Variants in RBPJL observed in about 807,000 individuals in gnomAD.
The protein encoded by RBPJL is recombining binding protein suppressor of hairless-like protein.
Under a neutral mutation model 57.6 loss-of-function variants are expected in RBPJL, and 50 were observed. The ratio of observed to expected loss-of-function variants is 0.87; its 90% CI spans 0.69 to 1.10. RBPJL has a LOEUF of 1.10. RBPJL is among the 50% of genes least tolerant of loss of function. The pLI, the probability that RBPJL is intolerant of heterozygous loss-of-function variation, is 0.00. For missense variants in RBPJL, 684 were observed against 693.7 expected, an observed-to-expected ratio of 0.99 and a Z score of 0.16; for synonymous variants, 303 against 294.4, an observed-to-expected ratio of 1.03 and a Z score of -0.30.
chr20:45,315,413 A>G (rs1987401555), intron 9 of RBPJL, among the ~76,000 whole-genome samples: 4 of 152,052 alleles, frequency 2.6e-5, no homozygotes, highest in Admixed American at 2.6e-4. Flanking sequence ...AAAAAAAAAA[A>G]ATTCTGGAAT....
intron 6 of RBPJL, 49 bp from the exon 7 acceptor site, chr20:45,313,419 C>A: frequency 6.6e-7 from 1 of 1,521,508 alleles, no homozygotes; most frequent in South Asian, 1.2e-5. Context: ...TCCCCTCACC[C>A]TAACCCTGAC....
At chr20:45,308,038 C>G (rs1014258600) in intron 1 of RBPJL, 105 bp from the exon 2 acceptor site, 1 of 717,464 alleles carries the variant, frequency 1.4e-6, no homozygotes, top group Non-Finnish European at 2.4e-6. Flanking sequence ...TGGAAAGGAC[C>G]CTGCAGAAGT....
Position 45,309,617 on chromosome 20 carries a change from T to C in RBPJL, c.182T>C (p.Leu61Pro), listed in dbSNP as rs767608941. ...TILRGGVRRC[L>P]QQQCEQTVRI... ...CTGAGGGGAGGCGTGCGCAGGTGCC[T>C]GCAGCAACAGTGTGAACAGACTGTG... is the stretch of plus-strand genomic sequence containing the variant. Residue 61 changes from leucine to proline, a missense_variant, in exon 3 of 12, where the codon CTG (leucine) becomes CCG (proline). Leu to Pro is a moderately conservative substitution (Grantham distance 98, BLOSUM62 -3). Transcript: ENST00000343694. The C allele has an allele frequency of 6.2e-7, 1 of 1,613,270 alleles. No individual in the cohort carries two copies.
chr20:45,316,301 C>A lies in RBPJL; in HGVS notation c.1135C>A (p.Leu379Met). 1 of 1,614,214 alleles carries A rather than the reference C, an allele frequency of 6.2e-7. No individual in the cohort carries two copies. The highest frequency in any genetic ancestry group is 1.3e-5 in the African/African-American group (1 of 75,078). The change falls in exon 10 of 12, where the codon CTG becomes ATG. Residue 379 changes from leucine (L) to methionine (M), a missense_variant. Leu to Met is a conservative substitution (Grantham distance 15). Transcript: ENST00000343694. Reference sequence around the variant, plus strand: ...CTTCAGCACCAGCCTGGCGTGTACCCTGGAGCCGGTCACTCCGGTGCCTCT... The same window carrying A: ...CTTCAGCACCAGCCTGGCGTGTACCATGGAGCCGGTCACTCCGGTGCCTCT... ...FSFSTSLACT[L>M]EPVTPVPLIS... is the part of the protein sequence containing the mutation.
At chr20:45,309,156 G>A (rs1314642257) in intron 2 of RBPJL, among the ~76,000 whole-genome samples, 1 of 151,824 alleles carries the variant, frequency 6.6e-6, no homozygotes, top group African/African-American at 2.4e-5. Flanking sequence ...TCCCCAGGGT[G>A]GGGAAGCTTC....
chr20:45,308,517 G>A (rs1221664448), intron 2 of RBPJL: 12 of 502,806 alleles, frequency 2.4e-5, no homozygotes, highest in Middle Eastern at 5.4e-4. Context: ...GGGGAGACCG[G>A]GGCAGCCACA....
Position 45,312,273 on chromosome 20 carries a change from A to C in RBPJL, c.497A>C (p.His166Pro), listed in dbSNP as rs775883142. 6.2e-7 allele frequency: 1 copy of C among 1,614,216 alleles called. No individual in the cohort carries two copies. The highest frequency in any genetic ancestry group is 8.5e-7 in the Non-Finnish European group (1 of 1,180,006). Residue 166 changes from histidine to proline, a missense_variant, in exon 6 of 12, where the codon CAC becomes CCC. His to Pro is a moderately conservative substitution (Grantham distance 77). Transcript: ENST00000343694. ...ATCTCAGATGCAGACAAGAGGAAGCACTTTCGGCTGGTGCTGCGGCTGGTG... is the reference window on the plus strand; with the variant it reads ...ATCTCAGATGCAGACAAGAGGAAGCCCTTTCGGCTGGTGCTGCGGCTGGTG... The part of the protein sequence containing the change: ...LYISDADKRK[H>P]FRLVLRLVLR...
rs761488782 is a variant in RBPJL at position 45,313,453 on chromosome 20, C to A, written c.620-15C>A. ...ACCCTCACCCTCACCCTAACCCTGA[C>A]CCTCACCCTCACAGTGTGCATATCC... On this transcript the variant is annotated splice_polypyrimidine_tract_variant and intron_variant, in intron 6 of 11. Coordinates refer to ENST00000343694, the MANE Select transcript of RBPJL (RefSeq NM_014276.4). 1 of 1,603,894 alleles carries A rather than the reference C, an allele frequency of 6.2e-7. No individual in the cohort carries two copies. The highest frequency in any genetic ancestry group is 8.5e-7 in the Non-Finnish European group (1 of 1,174,526).
intron 5 of RBPJL, 74 bp from the exon 6 acceptor site, chr20:45,312,147 A>G: frequency 2.5e-6 from 4 of 1,605,136 alleles, no homozygotes; most frequent in South Asian, 1.1e-5. Context: ...CGGACGTCCG[A>G]TATCTGGGAG....
At chr20:45,314,916 C>G (rs1987378435) in intron 9 of RBPJL, among the ~76,000 whole-genome samples, 3 of 152,098 alleles carry the variant, frequency 2.0e-5, no homozygotes, top group South Asian at 4.2e-4. Context: ...AATCCCATCT[C>G]TACTAAAAAT....
rs1427104946 is a variant in RBPJL at position 45,317,162 on chromosome 20, G to T, written c.*203G>T. 1.6e-5 allele frequency: 10 copies of T among 607,762 alleles called. No individual in the cohort carries two copies. The highest frequency in any genetic ancestry group is 2.6e-5 in the Non-Finnish European group (9 of 347,480). The allele number at this position is 607,762 out of a possible 1,614,324, so 37.6% of individuals were successfully genotyped here. On this transcript the variant is annotated 3_prime_UTR_variant, in exon 12 of 12. Transcript: ENST00000343694. ...TTACACATACAGGAAGACAAGACCT[G>T]AGTGGTGCTGTCTTTGTGTCCGTCG...
At chr20:45,315,583 A>T (rs1407147801) in intron 9 of RBPJL, among the ~76,000 whole-genome samples, 2 of 151,940 alleles carry the variant, frequency 1.3e-5, no homozygotes, top group Admixed American at 6.6e-5. Context: ...TACTAAAAAT[A>T]CAAAAAAATT....
Position 45,316,872 on chromosome 20 carries a change from C to G in RBPJL, c.1467C>G (p.Pro489=), listed in dbSNP as rs775879348. 9 of 1,613,480 alleles carry G rather than the reference C, an allele frequency of 5.6e-6. No individual in the cohort carries two copies. Among genetic ancestry groups the G allele is most frequent in the Non-Finnish European group, 7.6e-6 (9 of 1,179,580 alleles). The change falls in exon 12 of 12, where the codon CCC becomes CCG. Residue 489 remains proline, a synonymous_variant. Transcript: ENST00000343694. ...YSVRPGHPGV[P]EPATDADALL... is the part of the protein sequence containing the mutation. ...TGCGGCCGGGTCACCCCGGCGTCCC[C>G]GAGCCCGCCACCGACGCCGACGCGC... is the stretch of plus-strand genomic sequence containing the variant.
At chr20:45,311,707 C>A (rs1600715641) in intron 4 of RBPJL, 48 bp downstream of exon 4, 1 of 1,599,910 alleles carries the variant, frequency 6.3e-7, no homozygotes. Context: ...GTAGGGAGGA[C>A]CACGAGATTG....
intron 1 of RBPJL, 128 bp downstream of exon 1, chr20:45,307,072 A>C: frequency 1.9e-6 from 1 of 536,520 alleles, no homozygotes; most frequent in Non-Finnish European, 2.9e-6. Flanking sequence ...CGAACTGCAA[A>C]AGCAGGATTA....
At position 45,309,601 on chromosome 20, in the gene RBPJL, G is replaced by A. The variant is rs761871262; in HGVS notation, c.166G>A (p.Gly56Ser). Residue 56 changes from glycine (G) to serine (S), a missense_variant, in exon 3 of 12, where the codon GGC (glycine) becomes AGC (serine). Coordinates refer to ENST00000343694, the MANE Select transcript of RBPJL (RefSeq NM_014276.4). ...AGAGCACACCACCATTCTGAGGGGA[G>A]GCGTGCGCAGGTGCCTGCAGCAACA... Reference protein sequence around the residue: ...SPEHTTILRGGVRRCLQQQCE... With the variant: ...SPEHTTILRGSVRRCLQQQCE... The A allele has an allele frequency of 6.2e-7, 1 of 1,613,306 alleles. No individual in the cohort carries two copies. Among genetic ancestry groups the A allele is most frequent in the Admixed American group, 1.7e-5 (1 of 59,934 alleles).
At chr20:45,312,429 C>G (rs1168404340) in intron 6 of RBPJL, 34 bp downstream of exon 6, 3 of 1,592,992 alleles carry the variant, frequency 1.9e-6, no homozygotes, top group Non-Finnish European at 2.6e-6. Flanking sequence ...CCGGCCCGGG[C>G]GGGGAGGTGC....
chr20:45,314,146 T>G lies in RBPJL; in HGVS notation c.867+2T>G. On this transcript the variant is annotated splice_donor_variant, in intron 8 of 11. Transcript: ENST00000343694. LOFTEE classifies it high-confidence loss of function. ...ACCGGCATCACACTACCTCCCATGG[T>G]ATAGGAAGGGAGGGCATGCCTGGAG... 1 of 1,610,418 alleles carries G rather than the reference T, an allele frequency of 6.2e-7. No individual in the cohort carries two copies. The highest frequency in any genetic ancestry group is 1.3e-5 in the African/African-American group (1 of 74,926).
chr20:45,309,401 G>A (rs1465180819), intron 2 of RBPJL, among the ~76,000 whole-genome samples, 166 bp from the exon 3 acceptor site: 1 of 152,080 alleles, frequency 6.6e-6, no homozygotes, highest in Non-Finnish European at 1.5e-5. Flanking sequence ...CTTACCTAAT[G>A]CTTCCTCTTC....
Sources: allele counts gnomAD v4.1 joint callset (sites outside exome capture counted in the v4.1 genomes callset), GRCh38; gene constraint gnomAD v4.1.1; transcripts MANE v1.5; gene names NCBI Gene and HGNC (gene_info 2026-07-23, HGNC 2026-07-21).